GNE: variants seen among roughly 807,000 people sequenced by gnomAD.
GNE encodes bifunctional UDP-N-acetylglucosamine 2-epimerase/N-acetylmannosamine kinase.
In GNE, 41 loss-of-function variants were observed where a neutral mutation model predicts 61.8. The ratio of observed to expected loss-of-function variants is 0.66; its 90% CI spans 0.52 to 0.86. The LOEUF is 0.86. Ranked by LOEUF, GNE falls within the 40% of genes least tolerant of loss-of-function variation. GNE has a pLI of 0.00. For synonymous variants in GNE, 264 were observed against 326.4 expected, an observed-to-expected ratio of 0.81 and a Z score of 2.06; for missense variants, 608 against 909.1, an observed-to-expected ratio of 0.67 and a Z score of 4.26.
At chr9:36,263,139 T>G (rs1320375302), upstream of GNE, 1 of 152,192 alleles carries the variant, frequency 6.6e-6, no homozygotes, top group African/African-American at 2.4e-5. Context: ...TTGCACTTTA[T>G]AACAGAAACC....
intron 5 of GNE, among the ~76,000 whole-genome samples, chr9:36,231,066 T>TAAAAAAAA (rs529903965): frequency 1.8e-3 from 119 of 67,990 alleles, no homozygotes; most frequent in Middle Eastern, 7.5e-3. Flanking sequence ...ACTGCTTCAC[T>TAAAAAAAA]AAAAAAAAAA....
chr9:36,223,656 G>A (rs1486329122), intron 7 of GNE, among the ~76,000 whole-genome samples, 154 bp from the exon 8 acceptor site: 1 of 152,168 alleles, frequency 6.6e-6, no homozygotes, highest in Non-Finnish European at 1.5e-5. Flanking sequence ...GCCTGGTCTG[G>A]GCCAGCCCTG....
intron 6 of GNE, 40 bp downstream of exon 6, chr9:36,228,981 C>T: frequency 9.3e-7 from 1 of 1,073,814 alleles, no homozygotes; most frequent in Non-Finnish European, 1.5e-6. Context: ...GAAGGTAGCT[C>T]CCCTTTTAAA....
chr9:36,265,585 C>T (rs1830748683), intron 1 of GNE: 2 of 414,048 alleles, frequency 4.8e-6, no homozygotes, highest in Admixed American at 2.4e-5. Flanking sequence ...GTAAGTATCT[C>T]ACCCCATACT....
At chr9:36,248,287 C>T (rs377722188) in intron 2 of GNE, among the ~76,000 whole-genome samples, 73 of 151,644 alleles carry the variant, frequency 4.8e-4, no homozygotes, top group Middle Eastern at 3.4e-3. Flanking sequence ...GTATGTAATA[C>T]GCCTTGTTCT....
chr9:36,244,822 C>T (rs1360281051), intron 3 of GNE, among the ~76,000 whole-genome samples: 1 of 151,212 alleles, frequency 6.6e-6, no homozygotes, highest in Non-Finnish European at 1.5e-5. Flanking sequence ...CGCCTGTAAC[C>T]CCAGCTACTC....
upstream of GNE, among the ~76,000 whole-genome samples, chr9:36,258,663 G>A (rs1044632098): frequency 5.3e-5 from 8 of 152,240 alleles, no homozygotes; most frequent in Admixed American, 3.9e-4. Context: ...TGGAGCTGCT[G>A]CGGGGCTGTC....
At chr9:36,247,912 G>A (rs923333475) in intron 2 of GNE, among the ~76,000 whole-genome samples, 5 of 151,186 alleles carry the variant, frequency 3.3e-5, no homozygotes, top group African/African-American at 1.2e-4. Context: ...TGTAATCCCA[G>A]CTACTCGGAA....
At chr9:36,233,559 T>C (rs548075703) in intron 5 of GNE, among the ~76,000 whole-genome samples, 3 of 152,064 alleles carry the variant, frequency 2.0e-5, no homozygotes, top group South Asian at 2.1e-4. Context: ...CCCAGCTACT[T>C]GGGAGCCTGA....
chr9:36,256,704 T>G (rs1357720912), intron 1 of GNE, among the ~76,000 whole-genome samples: 1 of 152,120 alleles, frequency 6.6e-6, no homozygotes, highest in Non-Finnish European at 1.5e-5. Flanking sequence ...GGCTATCAAA[T>G]AAAAATAATG....
intron 10 of GNE, among the ~76,000 whole-genome samples, chr9:36,219,558 C>A (rs1828490454): frequency 6.6e-6 from 1 of 151,986 alleles, no homozygotes; most frequent in African/African-American, 2.4e-5. Flanking sequence ...TATTAAGTAC[C>A]CTCCCTGTGA....
upstream of GNE, among the ~76,000 whole-genome samples, chr9:36,260,484 A>G (rs886396330): frequency 6.6e-6 from 1 of 152,120 alleles, no homozygotes; most frequent in Non-Finnish European, 1.5e-5. Context: ...GCAGTGAGAT[A>G]TATGAATCTG....
intron 1 of GNE, among the ~76,000 whole-genome samples, chr9:36,251,243 CCACGTTTCT>C (rs1277649397): frequency 6.6e-6 from 1 of 152,270 alleles, no homozygotes; most frequent in South Asian, 2.1e-4. Context: ...TCCTCCTCCC[CCACGTTTCT>C]CAGTTGCTGC....
intron 9 of GNE, among the ~76,000 whole-genome samples, chr9:36,222,100 A>AG (rs1828611984): frequency 6.6e-6 from 1 of 152,048 alleles, no homozygotes; most frequent in South Asian, 2.1e-4. Context: ...CCTAGTGCTG[A>AG]GGGGGTTACA....
rs1303692071 is a variant in GNE at position 36,214,582 on chromosome 9, G to A, written c.*2783C>T. On this transcript the variant is annotated 3_prime_UTR_variant, in exon 12 of 12. Transcript: ENST00000642385. ...TTGGAATATATTAGCCTTCCCATGA[G>A]TTTAATAAAAACTAATATTTGGTTT... 2 of 152,170 alleles carry A rather than the reference G, an allele frequency of 1.3e-5. No individual in the cohort carries two copies. Among genetic ancestry groups the A allele is most frequent in the Non-Finnish European group, 2.9e-5 (2 of 68,044 alleles). The allele number at this position is 152,170 out of a possible 1,614,324, so 9.4% of individuals were successfully genotyped here.
chr9:36,224,703 C>CT (rs1828776505), intron 7 of GNE, among the ~76,000 whole-genome samples: 1 of 151,936 alleles, frequency 6.6e-6, no homozygotes, highest in Admixed American at 6.6e-5. Context: ...AATCCCATCT[C>CT]TATAAAAAAT....
At chr9:36,236,794 A>G (rs1265109052) in intron 4 of GNE, 38 bp downstream of exon 4, 1 of 1,594,796 alleles carries the variant, frequency 6.3e-7, no homozygotes, top group Non-Finnish European at 8.6e-7. Flanking sequence ...AAAATTGGGA[A>G]AAGTAGGTGG....
At chr9:36,256,049 C>G (rs1204158172) in intron 1 of GNE, among the ~76,000 whole-genome samples, 1 of 151,674 alleles carries the variant, frequency 6.6e-6, no homozygotes, top group Non-Finnish European at 1.5e-5. Context: ...CTCAGCCTCC[C>G]AAGTAGCTGG....
rs1445770847 is a variant in GNE at position 36,227,517 on chromosome 9, G to GT, written c.1071-60dup. 3.2e-5 allele frequency: 34 copies of GT among 1,048,024 alleles called. No homozygotes were observed. The African/African-American group carries it at 5.3e-4, about 16-fold the overall frequency. 64.9% of individuals were successfully genotyped at this position (1,048,024 alleles called of 1,614,324 possible). On this transcript the variant is annotated intron_variant, in intron 6 of 11. Transcript: ENST00000642385. ...CTTCTGCCATACATGTTAAGTGGTA[G>GT]TGAGGGTATAATGTAATGGAAACTG...
Sources: gnomAD v4.1 joint callset for allele counts (sites outside exome capture counted in the v4.1 genomes callset) on GRCh38, gnomAD v4.1.1 for gene constraint, MANE v1.5 for transcripts, NCBI Gene and HGNC (gene_info 2026-07-23, HGNC 2026-07-21) for gene names.